Variants in KLRG1 observed in about 807,000 individuals in gnomAD.
The protein encoded by KLRG1 is killer cell lectin-like receptor subfamily G member 1.
KLRG1 carries 16 observed loss-of-function variants against 21.8 expected under a neutral mutation model. The ratio of observed to expected loss-of-function variants is 0.73; its 90% confidence interval spans 0.50 to 1.11. KLRG1 has a LOEUF of 1.11. Ranked by LOEUF, KLRG1 falls within the 50% of genes most tolerant of loss-of-function variation. The pLI, the probability that KLRG1 is intolerant of heterozygous loss-of-function variation, is 0.00. For missense variants in KLRG1, 173 were observed against 218.3 expected (o/e 0.79, Z 1.31); for synonymous variants, 69 against 75.9 (o/e 0.91, Z 0.47).
chr12:8,977,461 G>A (rs774964484), intron 1 of KLRG1, among the ~76,000 whole-genome samples: 228 of 148,574 alleles, frequency 1.5e-3, no homozygotes, highest in Non-Finnish European at 1.5e-3. Context: ...TGATCTGCCC[G>A]CCTTGGCCTC....
At chr12:9,057,225 T>A in the KLRG1 span, among the ~76,000 whole-genome samples, 4,120 of 152,310 alleles carry the variant, frequency 0.027, 179 homozygotes, top group African/African-American at 0.094. Context: ...ACTTCCACCC[T>A]TGTTGCTACT....
the KLRG1 span, among the ~76,000 whole-genome samples, chr12:9,185,942 G>A: frequency 6.6e-6 from 1 of 151,626 alleles, no homozygotes; most frequent in Non-Finnish European, 1.5e-5. Context: ...CGAGTAGCTG[G>A]GACTACAGGC....
the KLRG1 span, among the ~76,000 whole-genome samples, chr12:9,175,349 T>TATA: frequency 6.6e-6 from 1 of 151,968 alleles, no homozygotes; most frequent in Non-Finnish European, 1.5e-5. Context: ...AACCCAAAAC[T>TATA]ATAAAGACCC....
At chr12:9,207,200 C>T in the KLRG1 span, among the ~76,000 whole-genome samples, 1 of 152,140 alleles carries the variant, frequency 6.6e-6, no homozygotes, top group African/African-American at 2.4e-5. Context: ...ATCCCTTTCC[C>T]GATTTGGGAC....
chr12:9,203,916 G>A, the KLRG1 span: 16 of 1,613,902 alleles, frequency 9.9e-6, no homozygotes, highest in Non-Finnish European at 1.4e-5. Flanking sequence ...AGGGGCCTCA[G>A]TGTGGAGCAG....
the KLRG1 span, chr12:9,162,387 G>C: frequency 1.9e-6 from 1 of 539,510 alleles, no homozygotes; most frequent in Non-Finnish European, 3.3e-6. Context: ...CCAGGTATTA[G>C]TCCTGTCTGT....
At chr12:9,034,991 T>G in the KLRG1 span, among the ~76,000 whole-genome samples, 36,007 of 152,000 alleles carry the variant, frequency 0.24, 4,885 homozygotes, top group South Asian at 0.33. Context: ...TAATGTATGT[T>G]TTTGTGTCTT....
chr12:8,968,632 A>G (rs921285458), intron 1 of KLRG1, among the ~76,000 whole-genome samples: 2 of 152,222 alleles, frequency 1.3e-5, no homozygotes, highest in African/African-American at 4.8e-5. Flanking sequence ...TTAATATAAC[A>G]TTTAGTCCAA....
chr12:9,207,853 A>G, the KLRG1 span, among the ~76,000 whole-genome samples: 1 of 152,208 alleles, frequency 6.6e-6, no homozygotes, highest in African/African-American at 2.4e-5. Flanking sequence ...GCTGTTGGTG[A>G]AGACTTGATA....
downstream of KLRG1, among the ~76,000 whole-genome samples, chr12:9,011,895 A>G (rs34236568): frequency 6.6e-6 from 1 of 152,212 alleles, no homozygotes; most frequent in South Asian, 2.1e-4. Context: ...TGGGACAGAA[A>G]TCAGCCAGTG....
At chr12:9,205,873 C>T in the KLRG1 span, among the ~76,000 whole-genome samples, 1 of 152,096 alleles carries the variant, frequency 6.6e-6, no homozygotes, top group African/African-American at 2.4e-5. Flanking sequence ...GAATGTGGAA[C>T]TCAAATTTGG....
the KLRG1 span, among the ~76,000 whole-genome samples, chr12:9,147,798 A>C: frequency 4.6e-5 from 7 of 152,234 alleles, no homozygotes; most frequent in African/African-American, 1.7e-4. Flanking sequence ...TCTGGAACTC[A>C]GAACCTATTA....
At chr12:9,163,565 G>C in the KLRG1 span, 1 of 1,300,436 alleles carries the variant, frequency 7.7e-7, no homozygotes, top group South Asian at 1.5e-5. Context: ...AGTCTTACAG[G>C]ATGTATTGTG....
At chr12:9,154,831 C>T in the KLRG1 span, 30 of 1,613,566 alleles carry the variant, frequency 1.9e-5, no homozygotes, top group East Asian at 4.7e-4. Context: ...TCCCAATGGA[C>T]GAGGTTGTCT....
the KLRG1 span, chr12:9,052,780 T>G: frequency 2.3e-6 from 1 of 426,608 alleles, no homozygotes; most frequent in South Asian, 1.7e-5. Context: ...GTTTTTCATT[T>G]AAAAATGGGA....
intron 1 of KLRG1, among the ~76,000 whole-genome samples, chr12:8,971,433 C>G (rs769965766): frequency 1.3e-5 from 2 of 152,108 alleles, no homozygotes; most frequent in African/African-American, 4.8e-5. Flanking sequence ...AATATAGCCT[C>G]TCCATTCTTG....
chr12:9,090,050 AT>A, the KLRG1 span: 14 of 1,579,424 alleles, frequency 8.9e-6, no homozygotes, highest in African/African-American at 1.9e-4. Context: ...GTAGAAATGA[AT>A]AGCATCTTCC....
intron 3 of KLRG1, among the ~76,000 whole-genome samples, chr12:9,003,356 T>C (rs1361163528): frequency 6.6e-6 from 1 of 152,192 alleles, no homozygotes; most frequent in Non-Finnish European, 1.5e-5. Context: ...TTTTCAAATA[T>C]TTAGCTTACA....
At chr12:9,074,494 G>T in the KLRG1 span, 1 of 1,457,554 alleles carries the variant, frequency 6.9e-7, no homozygotes, top group Admixed American at 2.1e-5. Context: ...GGATGTGTTT[G>T]TTTCTTTTTC....
Sources: allele counts gnomAD v4.1 joint callset (sites outside exome capture counted in the v4.1 genomes callset), GRCh38; gene constraint gnomAD v4.1.1; transcripts MANE v1.5; gene names NCBI Gene and HGNC (gene_info 2026-07-23, HGNC 2026-07-21).